The following TLCD3A variants were observed in gnomAD, a reference collection of about 807,000 sequenced individuals.
TLCD3A encodes TLC domain containing 3A.
Under a neutral mutation model 29.9 loss-of-function variants are expected in TLCD3A, and 17 were observed. That is an observed-to-expected ratio of 0.57 (90% CI 0.39 to 0.85). The LOEUF is 0.85. Among genes scored for constraint, TLCD3A ranks in the 40% least tolerant of loss-of-function variants. The probability of loss-of-function intolerance (pLI) is 0.00; values close to 1 mark genes in which losing one functional copy is unlikely to be tolerated. For missense variants in TLCD3A, 332 were observed against 350.8 expected (o/e 0.95, Z 0.43); for synonymous variants, 143 against 147.7 (o/e 0.97, Z 0.23).
intron 2 of TLCD3A, among the ~76,000 whole-genome samples, chr17:735,698 C>T (rs1453112214): frequency 6.6e-6 from 1 of 151,982 alleles, no homozygotes; most frequent in Non-Finnish European, 1.5e-5. Flanking sequence ...GGTGCGGTGG[C>T]TCCTGCCTGT....
intron 3 of TLCD3A, among the ~76,000 whole-genome samples, chr17:739,795 AAAG>A (rs1225672573): frequency 3.3e-5 from 5 of 152,204 alleles, no homozygotes; most frequent in Non-Finnish European, 5.9e-5. Context: ...TTTCTTGAAA[AAAG>A]AGGCCGGGCG....
intron 3 of TLCD3A, among the ~76,000 whole-genome samples, chr17:738,973 T>C (rs1159601363): frequency 6.6e-6 from 1 of 152,152 alleles, no homozygotes; most frequent in African/African-American, 2.4e-5. Context: ...AATACAAATA[T>C]AATACAAAGC....
intron 2 of TLCD3A, among the ~76,000 whole-genome samples, chr17:733,578 C>T (rs1464667473): frequency 6.6e-6 from 1 of 152,152 alleles, no homozygotes; most frequent in East Asian, 1.9e-4. Flanking sequence ...CAACCCACCA[C>T]CCCCTTCCAC....
chr17:737,167 A>G (rs1207723701), intron 2 of TLCD3A, among the ~76,000 whole-genome samples: 1 of 151,934 alleles, frequency 6.6e-6, no homozygotes. Flanking sequence ...GTGCGCCACC[A>G]CATCTGACTA....
chr17:733,027 G>A (rs1316503073), intron 1 of TLCD3A, 71 bp from the exon 2 acceptor site: 23 of 1,412,498 alleles, frequency 1.6e-5, no homozygotes, highest in African/African-American at 2.2e-5. Flanking sequence ...TCAGGCCGAA[G>A]GGCCGGGCCG....
At position 742,447 on chromosome 17, in the gene TLCD3A, T is replaced by C. The variant is rs1049297369; in HGVS notation, c.*877T>C. 3 of 152,290 alleles carry C rather than the reference T, an allele frequency of 2.0e-5. No homozygotes were observed. Among genetic ancestry groups the C allele is most frequent in the Non-Finnish European group, 2.9e-5 (2 of 68,066 alleles). 9.4% of individuals were successfully genotyped at this position (152,290 alleles called of 1,614,324 possible). On this transcript the variant is annotated 3_prime_UTR_variant, in exon 5 of 5. Coordinates refer to ENST00000308278, the MANE Select transcript of TLCD3A (RefSeq NM_024792.3). ...TTACTGGGTAACCCCACTGTGACACTGTCCTTTTCATGTGATGTGGAAACC... is the reference window on the plus strand; with the variant it reads ...TTACTGGGTAACCCCACTGTGACACCGTCCTTTTCATGTGATGTGGAAACC...
intron 3 of TLCD3A, among the ~76,000 whole-genome samples, chr17:738,451 C>T (rs541363028): frequency 6.6e-6 from 1 of 152,050 alleles, no homozygotes; most frequent in East Asian, 1.9e-4. Context: ...CTTTTCTTTG[C>T]CACTCATAGG....
intron 3 of TLCD3A, among the ~76,000 whole-genome samples, chr17:739,688 T>C (rs2750003): frequency 0.86 from 131,561 of 152,238 alleles, 57,079 homozygotes; most frequent in African/African-American, 0.94. Flanking sequence ...AAGCTATTAG[T>C]CTTATGCTGT....
In TLCD3A at chr17:732,950, G is replaced by C. The variant is rs543943299; in HGVS notation, c.123-148G>C. ...TCCTCCCCTGGCGGGAGCGGGGCCG[G>C]GGCGGGCGGGAATGGCCGATGAGCC... On this transcript the variant is annotated intron_variant, in intron 1 of 4. Coordinates refer to ENST00000308278, the MANE Select transcript of TLCD3A (RefSeq NM_024792.3). The C allele has an allele frequency of 6.3e-5, 88 of 1,400,160 alleles. 1 individual carries two copies. In the South Asian group the frequency reaches 1.2e-3, roughly 18 times the overall value. The allele number at this position is 1,400,160 out of a possible 1,614,324, so 86.7% of individuals were successfully genotyped here.
chr17:740,041 C>T (rs971043299), intron 3 of TLCD3A, among the ~76,000 whole-genome samples: 22 of 152,000 alleles, frequency 1.4e-4, no homozygotes, highest in African/African-American at 3.9e-4. Flanking sequence ...AACAAAACTC[C>T]GTCTCAAAAA....
At chr17:733,669 G>A (rs1002061117) in intron 2 of TLCD3A, among the ~76,000 whole-genome samples, 2 of 152,194 alleles carry the variant, frequency 1.3e-5, no homozygotes, top group Non-Finnish European at 1.5e-5. Flanking sequence ...GGACTTGTAC[G>A]TCTATCAGAG....
chr17:737,705 C>T, intron 2 of TLCD3A, 141 bp from the exon 3 acceptor site: 1 of 842,792 alleles, frequency 1.2e-6, no homozygotes, highest in Non-Finnish European at 1.9e-6. Context: ...AAGTGGTCTA[C>T]TCTCCCTGTT....
intron 2 of TLCD3A, among the ~76,000 whole-genome samples, chr17:736,601 G>A (rs1044260203): frequency 1.3e-5 from 2 of 152,132 alleles, no homozygotes; most frequent in Non-Finnish European, 2.9e-5. Context: ...GTACCTAACC[G>A]CTGTAATGTG....
chr17:732,825 AC>A, intron 1 of TLCD3A, 56 bp downstream of exon 1: 1 of 1,385,846 alleles, frequency 7.2e-7, no homozygotes, highest in Non-Finnish European at 9.3e-7. Context: ...ACCGCACCCC[AC>A]CCGGCCGCGG....
In TLCD3A at chr17:742,022, T is replaced by C. The variant is rs1385398437; in HGVS notation, c.*452T>C. 1 of 200,694 alleles carries C rather than the reference T, an allele frequency of 5.0e-6. No homozygotes were observed. Among genetic ancestry groups the C allele is most frequent in the Non-Finnish European group, 1.0e-5 (1 of 97,624 alleles). 12.4% of individuals were successfully genotyped at this position (200,694 alleles called of 1,614,324 possible). A position where few individuals can be genotyped will look rare whatever the true frequency, so the allele number is the denominator to read the frequency against. ...CTTGGTTCTTGGAAGTAATGTCGTCTTGTGACATTGGCCTGGGACAATCAT... is the reference window on the plus strand; with the variant it reads ...CTTGGTTCTTGGAAGTAATGTCGTCCTGTGACATTGGCCTGGGACAATCAT... On this transcript the variant is annotated 3_prime_UTR_variant, in exon 5 of 5. Transcript: ENST00000308278.
chr17:737,894 C>T lies in TLCD3A; in HGVS notation c.255C>T (p.Ile85=), dbSNP rs199868344. The change falls in exon 3 of 5, where the codon ATC becomes ATT. Residue 85 remains isoleucine, a synonymous_variant. Coordinates refer to ENST00000308278, the MANE Select transcript of TLCD3A (RefSeq NM_024792.3). ...EYVWFLIPYM[I]YDSYAMYLCE... ...TGTGGTTTCTGATTCCATACATGAT[C>T]TATGACTCGTACGCCATGTACCTCT... The T allele has an allele frequency of 6.2e-7, 1 of 1,613,992 alleles. No individual in the cohort carries two copies. The highest frequency in any genetic ancestry group is 1.1e-5 in the South Asian group (1 of 91,088).
At chr17:733,344 G>C (rs1420614475) in intron 2 of TLCD3A, among the ~76,000 whole-genome samples, 163 bp downstream of exon 2, 1 of 152,256 alleles carries the variant, frequency 6.6e-6, no homozygotes, top group Non-Finnish European at 1.5e-5. Context: ...CCCAGCTTAG[G>C]AGAAAGTCCA....
chr17:739,126 G>A (rs1974208856), intron 3 of TLCD3A, among the ~76,000 whole-genome samples: 1 of 151,560 alleles, frequency 6.6e-6, no homozygotes, highest in African/African-American at 2.4e-5. Context: ...TGGGAAAGCT[G>A]AGGGGAAATT....
Position 733,090 on chromosome 17 carries a change from C to T in TLCD3A, c.123-8C>T, listed in dbSNP as rs776676636. On this transcript the variant is annotated splice_region_variant and splice_polypyrimidine_tract_variant and intron_variant, in intron 1 of 4. Coordinates refer to ENST00000308278, the MANE Select transcript of TLCD3A (RefSeq NM_024792.3). ...GAGCGCGCGCGCTGTTCTCTCCGCC[C>T]GCGCTAGGCTGGTTTCCTCGGTGCA... 1 of 1,574,656 alleles carries T rather than the reference C, an allele frequency of 6.4e-7. No individual in the cohort carries two copies. Among genetic ancestry groups the T allele is most frequent in the East Asian group, 2.4e-5 (1 of 42,094 alleles).
Sources: gnomAD v4.1 joint callset for allele counts (sites outside exome capture counted in the v4.1 genomes callset) on GRCh38, gnomAD v4.1.1 for gene constraint, MANE v1.5 for transcripts, NCBI Gene and HGNC (gene_info 2026-07-23, HGNC 2026-07-21) for gene names.